The following RBFOX1 variants were observed in gnomAD, a reference collection of about 807,000 sequenced individuals.
RBFOX1 encodes the protein RNA binding protein fox-1 homolog 1.
Under a neutral mutation model 57.7 loss-of-function variants are expected in RBFOX1, and 8 were observed. That is an observed-to-expected ratio of 0.14 (90% CI 0.08 to 0.25). RBFOX1 has a LOEUF of 0.25. Among genes scored for constraint, RBFOX1 ranks in the 10% least tolerant of loss-of-function variants. The pLI, the probability that RBFOX1 is intolerant of heterozygous loss-of-function variation, is 1.00. For synonymous variants in RBFOX1, 326 were observed against 222.4 expected, an observed-to-expected ratio of 1.47 and a Z score of -4.15; for missense variants, 611 against 548.5, an observed-to-expected ratio of 1.11 and a Z score of -1.14.
chr16:6,530,175 T>C (rs2096637036), intron 2 of RBFOX1, among the ~76,000 whole-genome samples: 1 of 152,216 alleles, frequency 6.6e-6, no homozygotes, highest in South Asian at 2.1e-4. Flanking sequence ...GAGGATTTTG[T>C]ATGACTTTGG....
At chr16:6,464,221 T>G (rs1258339989) in intron 2 of RBFOX1, among the ~76,000 whole-genome samples, 1 of 152,200 alleles carries the variant, frequency 6.6e-6, no homozygotes, top group African/African-American at 2.4e-5. Context: ...GATTAACAAG[T>G]TGCTAATAGC....
intron 4 of RBFOX1, among the ~76,000 whole-genome samples, chr16:7,176,414 T>C (rs74009299): frequency 0.023 from 3,498 of 152,108 alleles, 135 homozygotes; most frequent in African/African-American, 0.08. Context: ...AGTTAAGATA[T>C]TCATTTATAT....
At chr16:6,916,943 A>G (rs2073323783) in intron 3 of RBFOX1, among the ~76,000 whole-genome samples, 1 of 152,082 alleles carries the variant, frequency 6.6e-6, no homozygotes, top group Non-Finnish European at 1.5e-5. Flanking sequence ...TCCACCTTCC[A>G]GGTTCAAGCG....
chr16:6,374,306 A>G (rs556307380), intron 2 of RBFOX1, among the ~76,000 whole-genome samples: 1 of 152,324 alleles, frequency 6.6e-6, no homozygotes, highest in South Asian at 2.1e-4. Flanking sequence ...ACACCACACA[A>G]TTTGGGATCA....
intron 5 of RBFOX1, among the ~76,000 whole-genome samples, chr16:7,569,968 A>G (rs893687908): frequency 1.3e-5 from 2 of 152,292 alleles, no homozygotes; most frequent in East Asian, 1.9e-4. Flanking sequence ...GATCCTTCAC[A>G]TGTCATTTTT....
At chr16:6,578,588 G>GGTGTGTGCGTGTGTGT (rs1555570842) in intron 2 of RBFOX1, among the ~76,000 whole-genome samples, 1 of 11,170 alleles carries the variant, frequency 9.0e-5, no homozygotes, top group Non-Finnish European at 3.0e-4. Flanking sequence ...TATGGGTATT[G>GGTGTGTGCGTGTGTGT]GTGTGTGTGC....
chr16:6,706,538 G>A (rs542296275), intron 3 of RBFOX1, among the ~76,000 whole-genome samples: 12 of 152,254 alleles, frequency 7.9e-5, no homozygotes, highest in African/African-American at 2.4e-4. Context: ...ATCTTTCTGT[G>A]CATGGGGACA....
At chr16:7,666,372 C>T (rs191876645) in intron 13 of RBFOX1, among the ~76,000 whole-genome samples, 47 of 136,958 alleles carry the variant, frequency 3.4e-4, no homozygotes, top group Admixed American at 3.7e-4. Flanking sequence ...AAACTATCTC[C>T]AGCAACACCT....
Position 7,670,725 on chromosome 16 carries a change from C to T in RBFOX1, c.930+5757C>T, listed in dbSNP as rs1002214339. On this transcript the variant is annotated intron_variant, in intron 13 of 15. Coordinates refer to ENST00000550418, the MANE Select transcript of RBFOX1 (RefSeq NM_018723.4). ...CTATGTAGGAAAAAGTATACACAAG[C>T]CTTTATAGGGTACGTCCCTCAGTCT... 3.9e-5 allele frequency among the ~76,000 whole-genome samples: 6 copies of T among 152,246 alleles called. No individual in the cohort carries two copies. The East Asian group carries it at 5.8e-4, about 15-fold the overall frequency.
chr16:6,665,766 T>G (rs1405944948), intron 3 of RBFOX1, among the ~76,000 whole-genome samples: 1 of 152,160 alleles, frequency 6.6e-6, no homozygotes, highest in Non-Finnish European at 1.5e-5. Flanking sequence ...AGACCATTTT[T>G]TAGTACTTTA....
chr16:5,545,861 C>T (rs1183516120), intron 2 of RBFOX1, among the ~76,000 whole-genome samples: 2 of 151,892 alleles, frequency 1.3e-5, no homozygotes, highest in Non-Finnish European at 2.9e-5. Flanking sequence ...GAATAAAACC[C>T]AGAAAGTAAA....
chr16:6,526,841 A>AC lies in RBFOX1; in HGVS notation c.-63-127762_-63-127761insC, dbSNP rs1463282129. ...CGAGACTCTGTCTCAAAAAAAAAAA[A>AC]AAAAAAAAAAAAAAAAAACAACCAG... On this transcript the variant is annotated intron_variant, in intron 2 of 15. Transcript: ENST00000550418. Among the ~76,000 whole-genome samples the AC allele has an allele frequency of 7.6e-4, 112 of 148,062 alleles. 2 individuals are homozygous for AC. Among genetic ancestry groups the AC allele is most frequent in the African/African-American group, 2.7e-3 (108 of 39,992 alleles).
At chr16:6,558,888 T>G (rs1218667095) in intron 2 of RBFOX1, among the ~76,000 whole-genome samples, 1 of 151,590 alleles carries the variant, frequency 6.6e-6, no homozygotes, top group African/African-American at 2.4e-5. Flanking sequence ...GTGAGCATTC[T>G]GCTCCCTCTG....
chr16:6,343,329 C>G (rs1162109814), intron 2 of RBFOX1, among the ~76,000 whole-genome samples: 5 of 152,108 alleles, frequency 3.3e-5, no homozygotes, highest in Non-Finnish European at 7.3e-5. Context: ...AATATGCCAC[C>G]CACTGCTCCT....
chr16:7,594,140 G>A lies in RBFOX1; in HGVS notation c.469-1409G>A, dbSNP rs1455757591. Among the ~76,000 whole-genome samples the A allele has an allele frequency of 2.0e-5, 3 of 150,210 alleles. No individual in the cohort carries two copies. The East Asian group carries it at 5.9e-4, about 30-fold the overall frequency. ...TCCCTCCCCCAGCCCCCCACCCCGTGACAGGCCCTGGTGTGTGATGTTCCC... is the reference window on the plus strand; with the variant it reads ...TCCCTCCCCCAGCCCCCCACCCCGTAACAGGCCCTGGTGTGTGATGTTCCC... On this transcript the variant is annotated intron_variant, in intron 7 of 15. Transcript: ENST00000550418.
chr16:5,827,198 G>T (rs1015106272), intron 3 of RBFOX1, among the ~76,000 whole-genome samples: 3 of 151,904 alleles, frequency 2.0e-5, no homozygotes, highest in Non-Finnish European at 4.4e-5. Context: ...TCAAGAATTC[G>T]AGACCAGCCT....
chr16:6,653,237 C>A (rs1477230081), intron 2 of RBFOX1, among the ~76,000 whole-genome samples: 1 of 152,120 alleles, frequency 6.6e-6, no homozygotes, highest in African/African-American at 2.4e-5. Flanking sequence ...TTTCCCACCC[C>A]CTTCTCCTTG....
intron 7 of RBFOX1, among the ~76,000 whole-genome samples, chr16:7,593,225 G>C (rs2094532296): frequency 6.6e-6 from 1 of 152,114 alleles, no homozygotes; most frequent in Admixed American, 6.6e-5. Flanking sequence ...TCCAGTCTGG[G>C]ATTCTAATCC....
chr16:7,206,127 G>A (rs1024630356), intron 4 of RBFOX1, among the ~76,000 whole-genome samples: 1 of 152,130 alleles, frequency 6.6e-6, no homozygotes, highest in African/African-American at 2.4e-5. Context: ...GTCTAATTTA[G>A]AAACATAATC....
Sources: allele counts gnomAD v4.1 joint callset (sites outside exome capture counted in the v4.1 genomes callset), GRCh38; gene constraint gnomAD v4.1.1; transcripts MANE v1.5; gene names NCBI Gene and HGNC (gene_info 2026-07-23, HGNC 2026-07-21).